The following KDM6A variants were observed in gnomAD, a reference collection of about 807,000 sequenced individuals.
KDM6A encodes the protein lysine-specific demethylase 6A.
A neutral mutation model predicts 117.6 loss-of-function variants in KDM6A; 11 were observed. That is an observed-to-expected ratio of 0.09 (90% CI 0.06 to 0.15). KDM6A has a LOEUF of 0.15. KDM6A is among the 10% of genes least tolerant of loss of function. The pLI is 1.00. For synonymous variants in KDM6A, 384 were observed against 396.1 expected (o/e 0.97, Z 0.36); for missense variants, 799 against 1,077.3 (o/e 0.74, Z 3.62).
intron 2 of KDM6A, among the ~76,000 whole-genome samples, chrX:44,913,599 G>A (rs759412455): frequency 1.8e-5 from 2 of 110,644 alleles, no homozygotes; most frequent in South Asian, 3.9e-4. Flanking sequence ...CACCATGCCC[G>A]GCTGTGTTAA....
intron 4 of KDM6A, among the ~76,000 whole-genome samples, chrX:44,990,277 G>T (rs2040497000): frequency 8.9e-6 from 1 of 111,840 alleles, no homozygotes; most frequent in Non-Finnish European, 1.9e-5. Context: ...AGTGTCTCAT[G>T]CCTGTAATCC....
chrX:45,006,410 A>G (rs1345132630), intron 4 of KDM6A, among the ~76,000 whole-genome samples: 1 of 110,428 alleles, frequency 9.1e-6, no homozygotes, highest in Admixed American at 9.6e-5. Context: ...AAGACAAGAT[A>G]CTTCTATAGA....
intron 2 of KDM6A, among the ~76,000 whole-genome samples, chrX:44,943,683 A>G (rs192068419): frequency 2.7e-5 from 3 of 112,159 alleles, no homozygotes; most frequent in African/African-American, 9.7e-5. Flanking sequence ...TTGTTTATCC[A>G]TTTATTCATT....
At chrX:45,058,178 T>C (rs1259111086) in intron 10 of KDM6A, among the ~76,000 whole-genome samples, 1 of 105,796 alleles carries the variant, frequency 9.5e-6, no homozygotes, top group Admixed American at 1.0e-4. Context: ...TACTGGCCAT[T>C]TGATATGACA....
chrX:44,873,839 C>T (rs1453438567), intron 1 of KDM6A, 85 bp from the exon 2 acceptor site: 144 of 1,153,206 alleles, frequency 1.2e-4, no homozygotes, highest in Non-Finnish European at 1.7e-4. Context: ...CTTCGCGCCG[C>T]CTCCGCTGGG....
rs747739852 is a variant in KDM6A at position 45,076,692 on chromosome X, T to C, written c.2859-5T>C. 4.0e-4 allele frequency: 385 copies of C among 965,250 alleles called. No homozygotes were observed. In the African/African-American group the frequency reaches 6.7e-3, roughly 17 times the overall value. 79.5% of individuals were successfully genotyped at this position (965,250 alleles called of 1,213,427 possible). A position where few individuals can be genotyped will look rare whatever the true frequency, so the allele number is the denominator to read the frequency against. ...AACTGATTATCCCTTTTTTTTTTTT[T>C]CCAGGAATCTAGGTAAAAATGGCTT... is the stretch of plus-strand genomic sequence containing the variant. On this transcript the variant is annotated splice_polypyrimidine_tract_variant and splice_region_variant and intron_variant, in intron 18 of 29. Coordinates refer to ENST00000611820, the MANE Select transcript of KDM6A (RefSeq NM_001291415.2).
At chrX:45,077,662 G>GA (rs1232823084) in intron 19 of KDM6A, among the ~76,000 whole-genome samples, 75 of 108,566 alleles carry the variant, frequency 6.9e-4, no homozygotes, top group African/African-American at 2.0e-3. Flanking sequence ...GCTCTGAGGA[G>GA]AAAAAAAAAT....
At chrX:44,935,711 A>C (rs895145501) in intron 2 of KDM6A, among the ~76,000 whole-genome samples, 1 of 111,724 alleles carries the variant, frequency 9.0e-6, no homozygotes, top group Non-Finnish European at 1.9e-5. Flanking sequence ...AAAAAGGCAA[A>C]GCATTTGGAT....
chrX:45,040,569 G>A (rs1278410269), intron 8 of KDM6A, among the ~76,000 whole-genome samples: 8 of 74,025 alleles, frequency 1.1e-4, no homozygotes, highest in East Asian at 4.7e-4. Flanking sequence ...CAGTAGGGGC[G>A]GCCGGGCAGA....
intron 2 of KDM6A, among the ~76,000 whole-genome samples, chrX:44,922,743 A>G (rs1045085044): frequency 2.7e-5 from 3 of 113,028 alleles, no homozygotes; most frequent in Non-Finnish European, 5.6e-5. Context: ...TGCTGGGATT[A>G]CAGGCGTGAG....
chrX:45,097,812 A>T (rs2046175172), intron 27 of KDM6A, among the ~76,000 whole-genome samples: 1 of 112,110 alleles, frequency 8.9e-6, no homozygotes, highest in African/African-American at 3.2e-5. Flanking sequence ...TGAGTAAGTC[A>T]TTTAGTAAAT....
chrX:44,926,700 C>T (rs1010692605), intron 2 of KDM6A, among the ~76,000 whole-genome samples: 1 of 111,032 alleles, frequency 9.0e-6, no homozygotes. Context: ...GTTGTTACAC[C>T]CCTTTGAAAG....
intron 2 of KDM6A, among the ~76,000 whole-genome samples, chrX:44,916,809 CTAATTT>C (rs1182578128): frequency 3.7e-5 from 4 of 108,904 alleles, no homozygotes; most frequent in Non-Finnish European, 7.6e-5. Context: ...CAACACCTGA[CTAATTT>C]TAAAATTTTT....
intron 2 of KDM6A, among the ~76,000 whole-genome samples, chrX:44,938,035 G>A (rs2037077791): frequency 8.9e-6 from 1 of 111,756 alleles, no homozygotes; most frequent in East Asian, 2.8e-4. Context: ...GAGTGCAGGG[G>A]CATGATCTTA....
At chrX:45,094,741 A>G (rs1251125293) in intron 27 of KDM6A, among the ~76,000 whole-genome samples, 5 of 111,489 alleles carry the variant, frequency 4.5e-5, no homozygotes, top group Non-Finnish European at 9.4e-5. Context: ...TCTCTCCACT[A>G]TACCTCTCTT....
rs191919823 is a variant in KDM6A at position 44,906,795 on chromosome X, C to T, written c.225+32808C>T. 4.5e-3 allele frequency among the ~76,000 whole-genome samples: 503 copies of T among 111,563 alleles called. 8 individuals carry two copies. Among genetic ancestry groups the T allele is most frequent in the African/African-American group, 0.013 (408 of 30,698 alleles). On this transcript the variant is annotated intron_variant, in intron 2 of 29. Coordinates refer to ENST00000611820, the MANE Select transcript of KDM6A (RefSeq NM_001291415.2). The stretch of plus-strand genomic sequence containing the variant: ...CTCGGCCTCCCAGTGTTGGGATTAT[C>T]GGCGTGAGCCACTGTGGTGCTGGGC...
intron 2 of KDM6A, among the ~76,000 whole-genome samples, chrX:44,937,357 G>A (rs1316329359): frequency 2.7e-5 from 3 of 111,427 alleles, no homozygotes; most frequent in South Asian, 3.8e-4. Context: ...GTAAACAAAC[G>A]GAAGGTTTGT....
At chrX:44,931,046 G>A (rs1214221893) in intron 2 of KDM6A, among the ~76,000 whole-genome samples, 1 of 111,368 alleles carries the variant, frequency 9.0e-6, no homozygotes, top group Non-Finnish European at 1.9e-5. Flanking sequence ...ATGTTCAAAA[G>A]AGTTCAAAGC....
intron 25 of KDM6A, among the ~76,000 whole-genome samples, chrX:45,088,528 C>T (rs1030859174): frequency 4.4e-5 from 5 of 113,143 alleles, no homozygotes; most frequent in Middle Eastern, 4.2e-3. Flanking sequence ...GAATTTGGCC[C>T]GTGGGCCATA....
Sources: allele counts gnomAD v4.1 joint callset (sites outside exome capture counted in the v4.1 genomes callset), GRCh38; gene constraint gnomAD v4.1.1; transcripts MANE v1.5; gene names NCBI Gene and HGNC (gene_info 2026-07-23, HGNC 2026-07-21).